AUTS2: variants seen among roughly 807,000 people sequenced by gnomAD.
AUTS2 encodes the protein autism susceptibility gene 2 protein.
A neutral mutation model predicts 112.4 loss-of-function variants in AUTS2; 17 were observed. The ratio of observed to expected loss-of-function variants is 0.15; its 90% CI spans 0.10 to 0.23. AUTS2 has a LOEUF of 0.23. Among genes scored for constraint, AUTS2 ranks in the 10% least tolerant of loss-of-function variants. The pLI is 1.00. For missense variants in AUTS2, 1,510 were observed against 1,701.6 expected, an observed-to-expected ratio of 0.89 and a Z score of 1.98; for synonymous variants, 751 against 702.7, an observed-to-expected ratio of 1.07 and a Z score of -1.09.
chr7:70,689,615 A>G (rs1021531136), intron 5 of AUTS2, among the ~76,000 whole-genome samples: 3 of 151,872 alleles, frequency 2.0e-5, no homozygotes, highest in African/African-American at 7.3e-5. Flanking sequence ...TCTCTACTAA[A>G]AATACAAAAA....
At chr7:70,218,160 T>C (rs1376782340) in intron 4 of AUTS2, among the ~76,000 whole-genome samples, 1 of 152,242 alleles carries the variant, frequency 6.6e-6, no homozygotes, top group Non-Finnish European at 1.5e-5. Flanking sequence ...CTTTAGCTCT[T>C]GAGGCCCTGT....
intron 1 of AUTS2, among the ~76,000 whole-genome samples, chr7:69,667,899 C>T (rs1456589014): frequency 6.6e-6 from 1 of 152,150 alleles, no homozygotes; most frequent in African/African-American, 2.4e-5. Context: ...AATGTGTATA[C>T]TTCTGTTCAT....
chr7:70,150,795 A>G (rs1376800792), intron 4 of AUTS2, among the ~76,000 whole-genome samples: 1 of 152,214 alleles, frequency 6.6e-6, no homozygotes, highest in East Asian at 1.9e-4. Flanking sequence ...CTAATATGCC[A>G]GGTGATAATA....
intron 1 of AUTS2, among the ~76,000 whole-genome samples, chr7:69,809,003 C>G (rs1790427353): frequency 6.6e-6 from 1 of 152,220 alleles, no homozygotes; most frequent in South Asian, 2.1e-4. Flanking sequence ...CCTATCTTAT[C>G]TTAGTGTACC....
At chr7:70,521,424 G>A (rs979775281) in intron 5 of AUTS2, among the ~76,000 whole-genome samples, 1 of 152,148 alleles carries the variant, frequency 6.6e-6, no homozygotes, top group African/African-American at 2.4e-5. Flanking sequence ...ACCAAGCAAG[G>A]GCCCAAGTCA....
chr7:69,879,491 C>G (rs1435952525), intron 1 of AUTS2, among the ~76,000 whole-genome samples: 2 of 152,082 alleles, frequency 1.3e-5, no homozygotes, highest in East Asian at 3.9e-4. Context: ...TAGGCAGTTT[C>G]TGTGGCTGCT....
At chr7:70,423,578 C>A (rs1196264061) in intron 4 of AUTS2, among the ~76,000 whole-genome samples, 1 of 152,056 alleles carries the variant, frequency 6.6e-6, no homozygotes, top group African/African-American at 2.4e-5. Flanking sequence ...TACTTTAGTC[C>A]CTGTGTGCAG....
intron 5 of AUTS2, among the ~76,000 whole-genome samples, chr7:70,612,695 C>T (rs889776161): frequency 6.6e-6 from 1 of 152,144 alleles, no homozygotes; most frequent in Non-Finnish European, 1.5e-5. Flanking sequence ...TGTATCCACC[C>T]TCACTTTTAT....
intron 2 of AUTS2, among the ~76,000 whole-genome samples, chr7:69,959,191 TC>T (rs1797333663): frequency 6.6e-6 from 1 of 152,128 alleles, no homozygotes; most frequent in African/African-American, 2.4e-5. Flanking sequence ...TTCTTTACCT[TC>T]CTGTTTTTCA....
chr7:70,124,850 C>T lies in AUTS2; in HGVS notation c.624+6617C>T, dbSNP rs151011420. On this transcript the variant is annotated intron_variant, in intron 3 of 18. Transcript: ENST00000342771. ...TGCTAGGATTGCAGGCGTGAGCCACCGCGCCCAGCCCAGCTTCAGTCTTCT... is the reference window on the plus strand; with the variant it reads ...TGCTAGGATTGCAGGCGTGAGCCACTGCGCCCAGCCCAGCTTCAGTCTTCT... 9.9e-4 allele frequency among the ~76,000 whole-genome samples: 151 copies of T among 152,296 alleles called. 1 individual carries two copies. The highest frequency in any genetic ancestry group is 1.9e-3 in the East Asian group (10 of 5,176).
intron 2 of AUTS2, among the ~76,000 whole-genome samples, chr7:69,905,143 G>A (rs146539610): frequency 2.2e-3 from 334 of 152,310 alleles, no homozygotes; most frequent in Admixed American, 4.3e-3. Flanking sequence ...CTTTGTTGCT[G>A]TGAGCCCTGA....
At chr7:69,786,451 C>T (rs1789380885) in intron 1 of AUTS2, among the ~76,000 whole-genome samples, 1 of 152,186 alleles carries the variant, frequency 6.6e-6, no homozygotes, top group South Asian at 2.1e-4. Context: ...ATCAGTAGGA[C>T]ATTGGTGGGG....
At chr7:70,592,027 T>C (rs1453665798) in intron 5 of AUTS2, among the ~76,000 whole-genome samples, 2 of 152,152 alleles carry the variant, frequency 1.3e-5, no homozygotes, top group Non-Finnish European at 2.9e-5. Flanking sequence ...CAATATATGC[T>C]CAATAGAAAT....
chr7:70,693,882 G>A (rs2129546736), intron 5 of AUTS2, among the ~76,000 whole-genome samples: 1 of 152,192 alleles, frequency 6.6e-6, no homozygotes, highest in African/African-American at 2.4e-5. Context: ...CGAGCCGCGG[G>A]GGGAGCAACA....
Position 70,766,315 on chromosome 7 carries a change from C to A in AUTS2, c.1670C>A (p.Pro557Gln). Residue 557 changes from proline to glutamine, a missense_variant, in exon 9 of 19, where the codon CCG (proline) becomes CAG (glutamine). Physicochemically the swap from Pro to Gln is moderately conservative, Grantham distance 76 (BLOSUM62 -1). This residue lies in a region of AUTS2 where 187 missense variants were observed against 309.7 expected (regional missense o/e 0.60). Transcript: ENST00000342771. The surrounding 1 kb of genome is among the most constrained non-coding windows in gnomAD (Gnocchi z 4.8). Reference protein sequence around the residue: ...PHAIPPTAIMPTPAPPMFDKY... With the variant: ...PHAIPPTAIMQTPAPPMFDKY... ...GCCATCCCACCCACCGCCATCATGC[C>A]GACGCCAGCACCTCCCATGGTGCGT... 1 of 1,614,090 alleles carries A rather than the reference C, an allele frequency of 6.2e-7. No homozygotes were observed. Among genetic ancestry groups the A allele is most frequent in the African/African-American group, 1.3e-5 (1 of 75,050 alleles).
At chr7:70,608,275 TA>T (rs1803887321) in intron 5 of AUTS2, among the ~76,000 whole-genome samples, 1 of 152,062 alleles carries the variant, frequency 6.6e-6, no homozygotes. Flanking sequence ...AGCTAATTTT[TA>T]ATTTTTTTTG....
chr7:70,390,869 A>C (rs1793820426), intron 4 of AUTS2, among the ~76,000 whole-genome samples: 1 of 152,176 alleles, frequency 6.6e-6, no homozygotes, highest in African/African-American at 2.4e-5. Context: ...CTGGGACATT[A>C]GGTAAATACA....
chr7:69,972,670 CATGT>C lies in AUTS2; in HGVS notation c.522+73173_522+73176del, dbSNP rs1314056926. Among the ~76,000 whole-genome samples the C allele has an allele frequency of 3.6e-3, 399 of 111,636 alleles. 2 individuals carry two copies. The highest frequency in any genetic ancestry group is 0.012 in the African/African-American group (341 of 27,890). 73.2% of individuals were successfully genotyped at this position (111,636 alleles called of 152,430 possible). On this transcript the variant is annotated intron_variant, in intron 2 of 18. Transcript: ENST00000342771. ...GTTTTTCTTTGTGTGTGTGTGCGTG[CATGT>C]GTGTGTGTGTGTGTGTGTGTGTGTG...
At chr7:70,396,915 T>A (rs903306665) in intron 4 of AUTS2, among the ~76,000 whole-genome samples, 7 of 152,102 alleles carry the variant, frequency 4.6e-5, no homozygotes, top group Admixed American at 3.9e-4. Context: ...CTGGAACTGG[T>A]AGGTATATGT....
Sources: gnomAD v4.1 joint callset for allele counts (sites outside exome capture counted in the v4.1 genomes callset) on GRCh38, gnomAD v4.1.1 for gene constraint, gnomAD v4.1.1 regional missense constraint, Gnocchi (gnomAD v3.1) non-coding constraint, MANE v1.5 for transcripts, NCBI Gene and HGNC (gene_info 2026-07-23, HGNC 2026-07-21) for gene names.